Variants in NDUFA9 observed in about 807,000 individuals in gnomAD.
NDUFA9 encodes NADH:ubiquinone oxidoreductase subunit A9.
NDUFA9 carries 23 observed loss-of-function variants against 45.9 expected under a neutral mutation model. The ratio of observed to expected loss-of-function variants is 0.50; its 90% CI spans 0.36 to 0.71. The LOEUF (loss-of-function observed/expected upper bound fraction) is 0.71, where lower values mean the gene tolerates loss of function less well. Ranked by LOEUF, NDUFA9 falls within the 30% of genes least tolerant of loss-of-function variation. The probability of loss-of-function intolerance (pLI) is 0.00; values close to 1 mark genes in which losing one functional copy is unlikely to be tolerated. For missense variants in NDUFA9, 466 were observed against 488.2 expected (o/e 0.95, Z 0.43); for synonymous variants, 176 against 170.5 (o/e 1.03, Z -0.25).
chr12:4,667,309 G>A (rs1346180235), intron 6 of NDUFA9, among the ~76,000 whole-genome samples: 1 of 152,060 alleles, frequency 6.6e-6, no homozygotes, highest in Non-Finnish European at 1.5e-5. Context: ...GAACTTTGGA[G>A]GGAACATATT....
chr12:4,662,634 A>T lies in NDUFA9; in HGVS notation c.654A>T (p.Ala218=). ...AGGATAGATTCCTTAATTCTTTTGCAAGTACGTATTCTTTCTTAATGGTAG... is the reference window on the plus strand; with the variant it reads ...AGGATAGATTCCTTAATTCTTTTGCTAGTACGTATTCTTTCTTAATGGTAG... ...GREDRFLNSF[A]SMHRFGPIPL... The change falls in exon 6 of 11, where the codon GCA becomes GCT. Residue 218 remains alanine, a splice_region_variant and synonymous_variant. Transcript: ENST00000266544. The T allele has an allele frequency of 6.2e-7, 1 of 1,610,508 alleles. No individual in the cohort carries two copies. The highest frequency in any genetic ancestry group is 8.5e-7 in the Non-Finnish European group (1 of 1,176,828).
intron 6 of NDUFA9, among the ~76,000 whole-genome samples, chr12:4,664,643 C>G (rs1465925115): frequency 6.6e-6 from 1 of 152,138 alleles, no homozygotes; most frequent in African/African-American, 2.4e-5. Flanking sequence ...GGTGTTGACC[C>G]TCTGCCCAGG....
chr12:4,675,592 C>T (rs183336458), intron 8 of NDUFA9, among the ~76,000 whole-genome samples: 1 of 152,264 alleles, frequency 6.6e-6, no homozygotes, highest in East Asian at 1.9e-4. Context: ...CACATACCCC[C>T]TCCCAAGACT....
intron 8 of NDUFA9, among the ~76,000 whole-genome samples, chr12:4,678,791 T>G (rs1378666744): frequency 6.6e-6 from 1 of 152,128 alleles, no homozygotes; most frequent in Non-Finnish European, 1.5e-5. Flanking sequence ...GAGGAAGACA[T>G]GGAGTAATGA....
rs1304185100 is a variant in NDUFA9 at position 4,688,415 on chromosome 12, T to G, written c.*1307T>G. On this transcript the variant is annotated 3_prime_UTR_variant, in exon 11 of 11. Coordinates refer to ENST00000266544, the MANE Select transcript of NDUFA9 (RefSeq NM_005002.5). ...TATGATGATTGCTTGAGCCTGGGAG[T>G]TCAAGGTTACAGTGAGCTATGATAG... 4.0e-5 allele frequency: 6 copies of G among 150,764 alleles called. No homozygotes were observed. Among genetic ancestry groups the G allele is most frequent in the African/African-American group, 1.5e-4 (6 of 40,866 alleles). The allele number at this position is 150,764 out of a possible 1,614,324, so 9.3% of individuals were successfully genotyped here. A position where few individuals can be genotyped will look rare whatever the true frequency, so the allele number is the denominator to read the frequency against.
chr12:4,685,283 A>C lies in NDUFA9; in HGVS notation c.921A>C (p.Ile307=), dbSNP rs1224208145. 1 of 1,614,142 alleles carries C rather than the reference A, an allele frequency of 6.2e-7. No homozygotes were observed. The highest frequency in any genetic ancestry group is 1.1e-5 in the South Asian group (1 of 91,080). The change falls in exon 10 of 11, where the codon ATA becomes ATC. Residue 307 remains isoleucine (I), a synonymous_variant. Transcript: ENST00000266544. Reference sequence around the variant, plus strand: ...GATGGGTAGCAAGAGTCTTTGAAATAAGCCCATTTGAGCCCTGGATAACAA... The same window carrying C: ...GATGGGTAGCAAGAGTCTTTGAAATCAGCCCATTTGAGCCCTGGATAACAA... ...AYRWVARVFE[I]SPFEPWITRD...
At chr12:4,670,617 G>T (rs139763138) in intron 8 of NDUFA9, among the ~76,000 whole-genome samples, 42 of 152,296 alleles carry the variant, frequency 2.8e-4, no homozygotes, top group African/African-American at 9.4e-4. Flanking sequence ...CCAGAATTCT[G>T]AATCTATACA....
intron 8 of NDUFA9, among the ~76,000 whole-genome samples, chr12:4,680,339 A>G (rs961115228): frequency 8.5e-5 from 13 of 152,186 alleles, no homozygotes; most frequent in Non-Finnish European, 1.8e-4. Flanking sequence ...TGTTTGGGTC[A>G]ACCAGAGTGA....
chr12:4,653,992 G>A (rs968196077), intron 1 of NDUFA9, among the ~76,000 whole-genome samples: 2 of 151,628 alleles, frequency 1.3e-5, no homozygotes, highest in African/African-American at 4.9e-5. Context: ...CATATTCTCA[G>A]TTCCTTTTAC....
intron 6 of NDUFA9, among the ~76,000 whole-genome samples, chr12:4,664,796 G>A (rs1335033160): frequency 6.6e-6 from 1 of 152,200 alleles, no homozygotes; most frequent in African/African-American, 2.4e-5. Context: ...ATTTTTAGTA[G>A]CCACCCTAAT....
intron 1 of NDUFA9, among the ~76,000 whole-genome samples, chr12:4,650,831 T>C (rs1945755118): frequency 6.6e-6 from 1 of 152,138 alleles, no homozygotes; most frequent in Non-Finnish European, 1.5e-5. Flanking sequence ...TCATGAGGTA[T>C]TCAAGAGGCA....
In NDUFA9 at chr12:4,667,500, A is replaced by G. The variant is rs147966427; in HGVS notation, c.656-957A>G. 2.3e-3 allele frequency: 502 copies of G among 217,830 alleles called. 4 individuals are homozygous for G. The highest frequency in any genetic ancestry group is 0.011 in the African/African-American group (460 of 40,438). 13.5% of individuals were successfully genotyped at this position (217,830 alleles called of 1,614,324 possible). A position where few individuals can be genotyped will look rare whatever the true frequency, so the allele number is the denominator to read the frequency against. ...TTTATTCTTTATTGTACTATTGTGAATAATTTCTACTCTTTTTTTTTTTTT... is the reference window on the plus strand; with the variant it reads ...TTTATTCTTTATTGTACTATTGTGAGTAATTTCTACTCTTTTTTTTTTTTT... On this transcript the variant is annotated intron_variant, in intron 6 of 10. Transcript: ENST00000266544.
chr12:4,664,150 TGAA>T (rs1460118651), intron 6 of NDUFA9, among the ~76,000 whole-genome samples: 3 of 152,242 alleles, frequency 2.0e-5, no homozygotes, highest in Non-Finnish European at 4.4e-5. Flanking sequence ...AACCGGAACC[TGAA>T]GATTTGGAAA....
At chr12:4,678,770 TAAC>T (rs1945935728) in intron 8 of NDUFA9, among the ~76,000 whole-genome samples, 1 of 152,068 alleles carries the variant, frequency 6.6e-6, no homozygotes, top group South Asian at 2.1e-4. Context: ...AGAGAGAAAA[TAAC>T]AAATGTTGAG....
intron 8 of NDUFA9, among the ~76,000 whole-genome samples, chr12:4,677,270 G>A (rs964406051): frequency 1.1e-4 from 17 of 152,154 alleles, no homozygotes; most frequent in Admixed American, 4.6e-4. Context: ...AACACCAAAA[G>A]CAATGGCAAC....
chr12:4,659,281 A>T, intron 5 of NDUFA9, 104 bp downstream of exon 5: 2 of 1,033,584 alleles, frequency 1.9e-6, no homozygotes. Context: ...CATATGTAGA[A>T]TTAAAAGGTT....
chr12:4,659,767 C>G (rs769089992), intron 5 of NDUFA9, among the ~76,000 whole-genome samples: 1 of 152,056 alleles, frequency 6.6e-6, no homozygotes, highest in African/African-American at 2.4e-5. Context: ...AGTGTCTGGC[C>G]GTGCGCTTAA....
chr12:4,658,961 A>G, intron 4 of NDUFA9, 75 bp from the exon 5 acceptor site: 1 of 1,414,040 alleles, frequency 7.1e-7, no homozygotes, highest in Non-Finnish European at 9.8e-7. Context: ...TGTTATGAAA[A>G]CCATCTTATC....
chr12:4,659,200 A>G, intron 5 of NDUFA9, 23 bp downstream of exon 5: 1 of 1,597,070 alleles, frequency 6.3e-7, no homozygotes, highest in South Asian at 1.1e-5. Context: ...TTGATCTGGG[A>G]AGTGGTTCAC....
Sources: gnomAD v4.1 joint callset for allele counts (sites outside exome capture counted in the v4.1 genomes callset) on GRCh38, gnomAD v4.1.1 for gene constraint, MANE v1.5 for transcripts, NCBI Gene and HGNC (gene_info 2026-07-23, HGNC 2026-07-21) for gene names.